PLPP7: variants seen among roughly 807,000 people sequenced by gnomAD.
The protein encoded by PLPP7 is phospholipid phosphatase 7 (inactive).
Under a neutral mutation model 16.9 loss-of-function variants are expected in PLPP7, and 11 were observed. The observed-to-expected ratio is 0.65, with a 90% CI of 0.41 to 1.08. The LOEUF (loss-of-function observed/expected upper bound fraction) is 1.08. Among genes scored for constraint, PLPP7 ranks in the 50% least tolerant of loss-of-function variants. The probability of loss-of-function intolerance (pLI) is 0.00; values close to 1 mark genes in which losing one functional copy is unlikely to be tolerated. For synonymous variants in PLPP7, 174 were observed against 175.1 expected (o/e 0.99, Z 0.05); for missense variants, 358 against 397.1 (o/e 0.90, Z 0.84).
At chr9:131,306,154 G>A (rs567378427) in intron 1 of PLPP7, among the ~76,000 whole-genome samples, 51 of 152,048 alleles carry the variant, frequency 3.4e-4, no homozygotes, top group African/African-American at 1.2e-3. Flanking sequence ...GGAGAATGGC[G>A]TGAACCCAGG....
intron 1 of PLPP7, among the ~76,000 whole-genome samples, chr9:131,307,276 G>A (rs1437167725): frequency 6.7e-6 from 1 of 149,658 alleles, no homozygotes; most frequent in Non-Finnish European, 1.5e-5. Context: ...AAAGGGCCGG[G>A]CGCAGTGGCT....
intron 1 of PLPP7, among the ~76,000 whole-genome samples, chr9:131,302,433 G>A (rs533525597): frequency 1.3e-5 from 2 of 152,184 alleles, no homozygotes; most frequent in Non-Finnish European, 2.9e-5. Flanking sequence ...TCCCTCTCCC[G>A]CCTGCCCTGG....
At chr9:131,297,202 G>C (rs999429472) in intron 1 of PLPP7, among the ~76,000 whole-genome samples, 2 of 152,194 alleles carry the variant, frequency 1.3e-5, no homozygotes, top group Non-Finnish European at 2.9e-5. Context: ...AGTAGGCAGG[G>C]TCTGGATCAG....
At chr9:131,303,438 T>C (rs182087246) in intron 1 of PLPP7, among the ~76,000 whole-genome samples, 45 of 151,868 alleles carry the variant, frequency 3.0e-4, no homozygotes, top group Admixed American at 2.9e-3. Flanking sequence ...AAACTCTAAC[T>C]TTTGTTTTCT....
At chr9:131,294,006 G>A (rs1835709409) in intron 1 of PLPP7, among the ~76,000 whole-genome samples, 1 of 152,190 alleles carries the variant, frequency 6.6e-6, no homozygotes. Flanking sequence ...TGGGAGCTTG[G>A]GAAATGGGAG....
chr9:131,291,138 C>A, intron 1 of PLPP7: 1 of 1,366,518 alleles, frequency 7.3e-7, no homozygotes, highest in Non-Finnish European at 9.8e-7. Context: ...CCAGGTGCCA[C>A]GTGGGGCCCA....
Position 131,290,200 on chromosome 9 carries a change from A to G in PLPP7, c.203A>G (p.Glu68Gly), listed in dbSNP as rs760288932. The change falls in exon 1 of 2, where the codon GAG becomes GGG. Residue 68 changes from glutamate (E) to glycine (G), a missense_variant. Physicochemically the swap from Glu to Gly is moderately conservative, Grantham distance 98. Transcript: ENST00000372264. This position sits in a 1 kb window ranked among gnomAD's most constrained non-coding sequence, Gnocchi z 4.2. ...CGCCAGTCACAGCAGCTGCCAGAGG[A>G]GGACTGCATGCAGCTGAACCCCTCC... ...ERRQSQQLPE[E>G]DCMQLNPSFK... is the part of the protein sequence containing the mutation. The G allele has an allele frequency of 2.5e-6, 4 of 1,598,150 alleles. No individual in the cohort carries two copies. The East Asian group carries it at 9.0e-5, about 36-fold the overall frequency.
intron 1 of PLPP7, among the ~76,000 whole-genome samples, chr9:131,307,302 A>C (rs1835864197): frequency 6.6e-6 from 1 of 151,256 alleles, no homozygotes; most frequent in African/African-American, 2.4e-5. Flanking sequence ...CTGTAATCCC[A>C]GCACAATGGG....
Position 131,289,895 on chromosome 9 carries a change from G to C in PLPP7, c.-103G>C. ...TTTAACAGCTGCGGCGGAGAAGGCA[G>C]GGAGGCAGCCACGGTGGCGGCTCTG... On this transcript the variant is annotated 5_prime_UTR_variant, in exon 1 of 2. Transcript: ENST00000372264. 1 of 949,032 alleles carries C rather than the reference G, an allele frequency of 1.1e-6. No homozygotes were observed. Among genetic ancestry groups the C allele is most frequent in the Non-Finnish European group, 1.4e-6 (1 of 699,124 alleles). 58.8% of individuals were successfully genotyped at this position (949,032 alleles called of 1,614,324 possible).
chr9:131,296,168 T>G (rs1835733146), intron 1 of PLPP7, among the ~76,000 whole-genome samples: 1 of 152,226 alleles, frequency 6.6e-6, no homozygotes, highest in South Asian at 2.1e-4. Context: ...ACACTCATTA[T>G]CTGGTTTTTC....
intron 1 of PLPP7, among the ~76,000 whole-genome samples, chr9:131,298,955 G>A (rs1328274986): frequency 6.6e-6 from 1 of 152,234 alleles, no homozygotes; most frequent in Admixed American, 6.5e-5. Context: ...TGTGCAAAGA[G>A]CGGAAAGTGG....
chr9:131,306,653 C>T (rs1835856576), intron 1 of PLPP7, among the ~76,000 whole-genome samples: 1 of 152,108 alleles, frequency 6.6e-6, no homozygotes, highest in Admixed American at 6.6e-5. Context: ...AAACATTATG[C>T]TAAGGAAAGG....
chr9:131,302,792 A>G lies in PLPP7; in HGVS notation c.452-5131A>G, dbSNP rs558107515. ...CAGGAGATGCCACGATTCAAACCCC[A>G]AACAGAGAGACCAGACTACAAGCAG... On this transcript the variant is annotated intron_variant, in intron 1 of 1. Coordinates refer to ENST00000372264, the MANE Select transcript of PLPP7 (RefSeq NM_032728.4). 2.0e-5 allele frequency among the ~76,000 whole-genome samples: 3 copies of G among 152,230 alleles called. No homozygotes were observed. The South Asian group carries it at 6.2e-4, about 32-fold the overall frequency.
At chr9:131,293,209 C>G (rs1835701228) in intron 1 of PLPP7, among the ~76,000 whole-genome samples, 1 of 150,444 alleles carries the variant, frequency 6.6e-6, no homozygotes, top group Admixed American at 6.7e-5. Flanking sequence ...TGCAAACCCC[C>G]CCACTCCTCG....
At position 131,295,670 on chromosome 9, in the gene PLPP7, C is replaced by T. The variant is rs1835728853; in HGVS notation, c.451+5222C>T. Among the ~76,000 whole-genome samples, 1 of 151,794 alleles carries T rather than the reference C, an allele frequency of 6.6e-6. No homozygotes were observed. The highest frequency in any genetic ancestry group is 2.4e-5 in the African/African-American group (1 of 41,260). On this transcript the variant is annotated intron_variant, in intron 1 of 1. Transcript: ENST00000372264. This position sits in a 1 kb window ranked among gnomAD's most constrained non-coding sequence, Gnocchi z 4.0. ...AAGCACTGACTCCCCACTCCCCTTC[C>T]CCCAGCCCCTGGCAACCTCCATTCT...
At chr9:131,291,184 T>A in intron 1 of PLPP7, 8 of 1,364,900 alleles carry the variant, frequency 5.9e-6, no homozygotes, top group Non-Finnish European at 7.8e-6. Flanking sequence ...CCAGAGGTGA[T>A]GCCCAGCCCC....
chr9:131,307,017 G>T (rs560777754), intron 1 of PLPP7, among the ~76,000 whole-genome samples: 7 of 152,168 alleles, frequency 4.6e-5, no homozygotes, highest in African/African-American at 1.4e-4. Context: ...GGCTGAGGCG[G>T]GCAGGTCACC....
chr9:131,298,085 G>A (rs566167957), intron 1 of PLPP7, among the ~76,000 whole-genome samples: 4 of 152,114 alleles, frequency 2.6e-5, no homozygotes, highest in East Asian at 1.9e-4. Flanking sequence ...GTCGTTTCAC[G>A]TTTTTCGGTG....
intron 1 of PLPP7, among the ~76,000 whole-genome samples, chr9:131,292,488 T>G (rs1564245522): frequency 6.6e-6 from 1 of 152,158 alleles, no homozygotes; most frequent in Non-Finnish European, 1.5e-5. Context: ...AGGGGGAAAT[T>G]GAGGCATGGG....
Sources: allele counts gnomAD v4.1 joint callset (sites outside exome capture counted in the v4.1 genomes callset), GRCh38; gene constraint gnomAD v4.1.1; non-coding constraint Gnocchi (gnomAD v3.1); transcripts MANE v1.5; gene names NCBI Gene and HGNC (gene_info 2026-07-23, HGNC 2026-07-21).